The following ZNF362 variants were observed in gnomAD, a reference collection of about 807,000 sequenced individuals.
The protein encoded by ZNF362 is rotund homolog.
Under a neutral mutation model 42.9 loss-of-function variants are expected in ZNF362, and 11 were observed. The ratio of observed to expected loss-of-function variants is 0.26; its 90% confidence interval spans 0.16 to 0.42. The LOEUF (loss-of-function observed/expected upper bound fraction) is 0.42. Among genes scored for constraint, ZNF362 ranks in the 20% least tolerant of loss-of-function variants. The pLI is 1.00. For synonymous variants in ZNF362, 255 were observed against 257.3 expected, an observed-to-expected ratio of 0.99 and a Z score of 0.09; for missense variants, 362 against 576.2, an observed-to-expected ratio of 0.63 and a Z score of 3.81.
the ZNF362 span, among the ~76,000 whole-genome samples, chr1:33,247,415 G>A: frequency 2.6e-5 from 4 of 152,212 alleles, no homozygotes; most frequent in Non-Finnish European, 5.9e-5. Context: ...ACTTGGAGTC[G>A]TTTCTTTAAG....
the ZNF362 span, among the ~76,000 whole-genome samples, chr1:33,250,850 AAG>A: frequency 1.1e-5 from 1 of 94,430 alleles, no homozygotes; most frequent in African/African-American, 4.0e-5. Flanking sequence ...AAGAAGAAAG[AAG>A]GAAGAAGAAG....
At chr1:33,230,944 A>G in the ZNF362 span, among the ~76,000 whole-genome samples, 1 of 152,226 alleles carries the variant, frequency 6.6e-6, no homozygotes. Context: ...TTATTAAGGT[A>G]TCAACAAGAA....
the ZNF362 span, among the ~76,000 whole-genome samples, chr1:33,161,541 G>T: frequency 6.6e-6 from 1 of 152,144 alleles, no homozygotes; most frequent in Non-Finnish European, 1.5e-5. This position sits in a 1 kb window ranked among gnomAD's most constrained non-coding sequence, Gnocchi z 4.3. Flanking sequence ...AACTGCTGGC[G>T]GTGGGCCAGC....
the ZNF362 span, among the ~76,000 whole-genome samples, chr1:33,234,942 C>T: frequency 2.0e-5 from 3 of 152,148 alleles, no homozygotes; most frequent in Non-Finnish European, 2.9e-5. Context: ...GCCTGCTGTT[C>T]AGCCCTGGGA....
At chr1:33,189,384 C>G in the ZNF362 span, among the ~76,000 whole-genome samples, 1 of 151,878 alleles carries the variant, frequency 6.6e-6, no homozygotes, top group African/African-American at 2.4e-5. Flanking sequence ...TTCATGACAA[C>G]GTTCCATGTC....
the ZNF362 span, among the ~76,000 whole-genome samples, chr1:33,136,550 A>C: frequency 6.6e-6 from 1 of 151,458 alleles, no homozygotes; most frequent in Non-Finnish European, 1.5e-5. Context: ...TTGTATTTTT[A>C]GTAGAGACAG....
intron 6 of ZNF362, among the ~76,000 whole-genome samples, chr1:33,283,615 C>T (rs1010842502): frequency 6.6e-6 from 1 of 151,902 alleles, no homozygotes; most frequent in African/African-American, 2.4e-5. Flanking sequence ...GTGGGAGGAT[C>T]GATTGCTTGA....
the ZNF362 span, among the ~76,000 whole-genome samples, chr1:33,138,045 C>T: frequency 6.6e-6 from 1 of 152,150 alleles, no homozygotes; most frequent in African/African-American, 2.4e-5. Flanking sequence ...GCATAACCAT[C>T]AGTGGGGTGC....
At position 33,276,603 on chromosome 1, in the gene ZNF362, AGCGG is replaced by A; in HGVS notation, c.349+15_349+18del. The A allele has an allele frequency of 7.5e-7, 1 of 1,333,712 alleles. No individual in the cohort carries two copies. Among genetic ancestry groups the A allele is most frequent in the South Asian group, 1.8e-5 (1 of 54,280 alleles). 82.6% of individuals were successfully genotyped at this position (1,333,712 alleles called of 1,614,324 possible). A position where few individuals can be genotyped will look rare whatever the true frequency, so the allele number is the denominator to read the frequency against. ...CACCAGCACCGTCACAGGTAGGCCG[AGCGG>A]GCGGGGCCGGCGGGGCCGGTGAGGA... On this transcript the variant is annotated intron_variant, in intron 4 of 8. Coordinates refer to ENST00000539719, the MANE Select transcript of ZNF362 (RefSeq NM_152493.3).
At chr1:33,225,809 C>G in the ZNF362 span, among the ~76,000 whole-genome samples, 1 of 152,196 alleles carries the variant, frequency 6.6e-6, no homozygotes, top group South Asian at 2.1e-4. Flanking sequence ...TTTTATCTCA[C>G]TCAGCAAGCT....
At chr1:33,276,239 C>T in intron 3 of ZNF362, 76 bp downstream of exon 3, 1 of 1,597,240 alleles carries the variant, frequency 6.3e-7, no homozygotes, top group Non-Finnish European at 8.5e-7. Context: ...TTGGCTGTGG[C>T]CTGCGGGGAG....
At chr1:33,276,734 G>T in intron 4 of ZNF362, 140 bp downstream of exon 4, 6 of 1,137,176 alleles carry the variant, frequency 5.3e-6, no homozygotes, top group Non-Finnish European at 6.7e-6. Context: ...ATAAAGCTTG[G>T]AGTGGCGGGG....
At chr1:33,259,510 CCTT>C (rs1645815669) in intron 1 of ZNF362, among the ~76,000 whole-genome samples, 2 of 152,224 alleles carry the variant, frequency 1.3e-5, no homozygotes, top group Admixed American at 6.5e-5. Flanking sequence ...GCCATTCATT[CCTT>C]CTTCTGCCAC....
the ZNF362 span, among the ~76,000 whole-genome samples, chr1:33,244,893 G>C: frequency 2.0e-5 from 3 of 152,174 alleles, no homozygotes; most frequent in Non-Finnish European, 4.4e-5. This position sits in a 1 kb window ranked among gnomAD's most constrained non-coding sequence, Gnocchi z 4.0. Context: ...TTCTTCATGG[G>C]ACTGCCAACC....
intron 8 of ZNF362, among the ~76,000 whole-genome samples, chr1:33,296,531 ACAG>A (rs1646125626): frequency 6.6e-6 from 1 of 152,184 alleles, no homozygotes; most frequent in Non-Finnish European, 1.5e-5. Flanking sequence ...GTTTTGAAAG[ACAG>A]CAGGGAGGAC....
the ZNF362 span, among the ~76,000 whole-genome samples, chr1:33,236,550 A>AAAATATATATAT: frequency 1.7e-4 from 1 of 5,970 alleles, no homozygotes; most frequent in Non-Finnish European, 3.7e-4. Context: ...AAAAAAAAAA[A>AAAATATATATAT]ATATATATAT....
chr1:33,265,613 T>G (rs937131321), intron 1 of ZNF362, among the ~76,000 whole-genome samples: 8 of 151,938 alleles, frequency 5.3e-5, no homozygotes, highest in African/African-American at 1.9e-4. Context: ...TCTAGCTGCT[T>G]GGAGTGGCAG....
At chr1:33,174,728 C>G in the ZNF362 span, among the ~76,000 whole-genome samples, 1 of 152,090 alleles carries the variant, frequency 6.6e-6, no homozygotes, top group Non-Finnish European at 1.5e-5. Flanking sequence ...CTCAGCGTAT[C>G]TTTTAGGATT....
the ZNF362 span, among the ~76,000 whole-genome samples, chr1:33,186,665 G>A: frequency 6.9e-6 from 1 of 145,592 alleles, no homozygotes. Flanking sequence ...AATTAGCTGG[G>A]CGTGGTGGCG....
Sources: gnomAD v4.1 joint callset for allele counts (sites outside exome capture counted in the v4.1 genomes callset) on GRCh38, gnomAD v4.1.1 for gene constraint, Gnocchi (gnomAD v3.1) non-coding constraint, MANE v1.5 for transcripts, NCBI Gene and HGNC (gene_info 2026-07-23, HGNC 2026-07-21) for gene names.